The following HINT3 variants were observed in gnomAD, a reference collection of about 807,000 sequenced individuals.
HINT3 encodes histidine triad nucleotide binding protein 3.
In HINT3, 16 loss-of-function variants were observed where a neutral mutation model predicts 19.1. The ratio of observed to expected loss-of-function variants is 0.84; its 90% CI spans 0.57 to 1.27. The LOEUF is 1.27. HINT3 is among the 50% of genes most tolerant of loss of function. The pLI is 0.00. For missense variants in HINT3, 197 were observed against 225.8 expected, an observed-to-expected ratio of 0.87 and a Z score of 0.82; for synonymous variants, 75 against 84.8, an observed-to-expected ratio of 0.88 and a Z score of 0.63.
At chr6:125,963,653 G>A (rs1788976463) in intron 1 of HINT3, among the ~76,000 whole-genome samples, 1 of 152,146 alleles carries the variant, frequency 6.6e-6, no homozygotes, top group African/African-American at 2.4e-5. Context: ...GGTGGCAGGA[G>A]AAAAACAATT....
chr6:125,975,194 A>G (rs532322121), intron 4 of HINT3, among the ~76,000 whole-genome samples: 1 of 152,190 alleles, frequency 6.6e-6, no homozygotes, highest in Non-Finnish European at 1.5e-5. Flanking sequence ...TCCCCATTGC[A>G]AGTAGCAGAT....
chr6:125,962,247 TATAC>T (rs1463747473), intron 1 of HINT3, among the ~76,000 whole-genome samples: 5 of 28,954 alleles, frequency 1.7e-4, no homozygotes, highest in Non-Finnish European at 2.7e-4. Context: ...CATATATATA[TATAC>T]ACACATATAT....
At chr6:125,959,928 C>T (rs919469399) in intron 1 of HINT3, among the ~76,000 whole-genome samples, 2 of 152,046 alleles carry the variant, frequency 1.3e-5, no homozygotes, top group African/African-American at 4.8e-5. Context: ...CTCACATTGT[C>T]GTTGCAGAAA....
intron 3 of HINT3, among the ~76,000 whole-genome samples, chr6:125,973,938 T>G (rs942682652): frequency 6.6e-6 from 1 of 152,220 alleles, no homozygotes; most frequent in Non-Finnish European, 1.5e-5. Flanking sequence ...GATTATTTGA[T>G]TCTACATTAT....
At chr6:125,967,713 C>T (rs1017808155) in intron 2 of HINT3, among the ~76,000 whole-genome samples, 2 of 152,210 alleles carry the variant, frequency 1.3e-5, no homozygotes, top group South Asian at 2.1e-4. Flanking sequence ...AAACAAGTTA[C>T]GATATGACAA....
In HINT3 at chr6:125,962,187, CACATATAT is replaced by C. The variant is rs1562212011; in HGVS notation, c.202-4698_202-4691del. 1.4e-4 allele frequency among the ~76,000 whole-genome samples: 8 copies of C among 59,054 alleles called. No individual in the cohort carries two copies. The Admixed American group carries it at 1.6e-3, about 12-fold the overall frequency. The allele number at this position is 59,054 out of a possible 152,430, so 38.7% of individuals were successfully genotyped here. A position where few individuals can be genotyped will look rare whatever the true frequency, so the allele number is the denominator to read the frequency against. On this transcript the variant is annotated intron_variant, in intron 1 of 4. Transcript: ENST00000229633. ...ACATATATATATATATATATATATA[CACATATAT>C]ATATATATATATATACACATATATA...
At chr6:125,958,274 T>A (rs1044152660) in intron 1 of HINT3, among the ~76,000 whole-genome samples, 2 of 151,244 alleles carry the variant, frequency 1.3e-5, no homozygotes, top group Admixed American at 1.3e-4. Context: ...TGCATAGAGT[T>A]TGAGAGGATG....
At position 125,961,401 on chromosome 6, in the gene HINT3, TAGCA is replaced by T. The variant is rs1447698819; in HGVS notation, c.201+4224_201+4227del. Among the ~76,000 whole-genome samples the T allele has an allele frequency of 2.6e-5, 4 of 152,162 alleles. No homozygotes were observed. The East Asian group carries it at 5.8e-4, about 22-fold the overall frequency. ...AATTCTTATACTATCTACCTGATGA[TAGCA>T]TCAGATCCCGCAGGTTGAAGACTCA... On this transcript the variant is annotated intron_variant, in intron 1 of 4. Transcript: ENST00000229633.
chr6:125,978,367 A>G lies in HINT3; in HGVS notation c.*691A>G, dbSNP rs1000094350. ...ACTGTAATGGAATTTTGCCTCTAAT[A>G]ACATAAAGGGGGAAGAAACATAAAG... On this transcript the variant is annotated 3_prime_UTR_variant, in exon 5 of 5. Coordinates refer to ENST00000229633, the MANE Select transcript of HINT3 (RefSeq NM_138571.5). 1.3e-5 allele frequency: 2 copies of G among 152,148 alleles called. No individual in the cohort carries two copies. Among genetic ancestry groups the G allele is most frequent in the Non-Finnish European group, 2.9e-5 (2 of 67,988 alleles). 9.4% of individuals were successfully genotyped at this position (152,148 alleles called of 1,614,324 possible).
At chr6:125,962,233 T>TATACACATATATATATATATATATAC (rs1554209736) in intron 1 of HINT3, among the ~76,000 whole-genome samples, 1 of 20,706 alleles carries the variant, frequency 4.8e-5, no homozygotes, top group Non-Finnish European at 7.2e-5. Flanking sequence ...TATATATATA[T>TATACACATATATATATATATATATAC]ACACATATAT....
intron 1 of HINT3, among the ~76,000 whole-genome samples, chr6:125,966,623 G>A (rs1174971963): frequency 6.6e-6 from 1 of 152,126 alleles, no homozygotes; most frequent in East Asian, 1.9e-4. Flanking sequence ...TGAGATTATT[G>A]GTAATGAAAT....
intron 2 of HINT3, 91 bp downstream of exon 2, chr6:125,967,095 G>A: frequency 1.3e-6 from 1 of 750,590 alleles, no homozygotes; most frequent in East Asian, 2.7e-5. Context: ...GTCTAGTTAA[G>A]TACTGTGAAA....
intron 1 of HINT3, among the ~76,000 whole-genome samples, chr6:125,962,189 CATAT>C (rs371993982): frequency 3.7e-4 from 24 of 64,300 alleles, no homozygotes; most frequent in South Asian, 1.7e-3. Flanking sequence ...TATATATACA[CATAT>C]ATATATATAT....
intron 4 of HINT3, among the ~76,000 whole-genome samples, chr6:125,976,224 C>T (rs1356734258): frequency 6.6e-6 from 1 of 151,788 alleles, no homozygotes; most frequent in East Asian, 1.9e-4. Context: ...AACTTGTTGC[C>T]CAGATGATTT....
intron 1 of HINT3, among the ~76,000 whole-genome samples, chr6:125,965,169 A>G (rs1009844470): frequency 6.6e-6 from 1 of 152,206 alleles, no homozygotes; most frequent in Admixed American, 6.5e-5. Context: ...TCGCTAAGTT[A>G]TGCAGTATGA....
rs544703895 is a variant in HINT3, at chr6:125,960,434, G to A, written c.201+3256G>A. Among the ~76,000 whole-genome samples the A allele has an allele frequency of 3.6e-4, 55 of 152,266 alleles. 1 individual carries two copies. The South Asian group carries it at 6.4e-3, about 18-fold the overall frequency. ...AGCACTTTGGGAGGCTGAGGCAGGCGGATCACGAGGTCAGGAGTTCGAGAC... is the reference window on the plus strand; with the variant it reads ...AGCACTTTGGGAGGCTGAGGCAGGCAGATCACGAGGTCAGGAGTTCGAGAC... On this transcript the variant is annotated intron_variant, in intron 1 of 4. Coordinates refer to ENST00000229633, the MANE Select transcript of HINT3 (RefSeq NM_138571.5).
At chr6:125,967,400 C>T (rs561800358) in intron 2 of HINT3, among the ~76,000 whole-genome samples, 7 of 143,270 alleles carry the variant, frequency 4.9e-5, no homozygotes, top group South Asian at 4.4e-4. Context: ...GGTGCAATCT[C>T]GGCTCACTGC....
intron 2 of HINT3, among the ~76,000 whole-genome samples, chr6:125,970,557 T>C (rs1218447149): frequency 1.3e-5 from 2 of 152,196 alleles, no homozygotes; most frequent in Non-Finnish European, 2.9e-5. Context: ...TGCTTTTGTG[T>C]TATATTTGAA....
At chr6:125,965,140 G>C (rs1389875880) in intron 1 of HINT3, among the ~76,000 whole-genome samples, 1 of 152,190 alleles carries the variant, frequency 6.6e-6, no homozygotes, top group Non-Finnish European at 1.5e-5. Context: ...ACAAAACTAA[G>C]CATTTTGGTT....
Sources: gnomAD v4.1 joint callset for allele counts (sites outside exome capture counted in the v4.1 genomes callset) on GRCh38, gnomAD v4.1.1 for gene constraint, MANE v1.5 for transcripts, NCBI Gene and HGNC (gene_info 2026-07-23, HGNC 2026-07-21) for gene names.